OR10J1: variants seen among roughly 807,000 people sequenced by gnomAD.
The protein encoded by OR10J1 is olfactory receptor family 10 subfamily J member 1.
For synonymous variants in OR10J1, 202 were observed against 143.8 expected (o/e 1.40, Z -2.89); for missense variants, 474 against 376.6 (o/e 1.26, Z -2.14).
At chr1:159,401,385 C>G in the OR10J1 span, among the ~76,000 whole-genome samples, 1 of 151,704 alleles carries the variant, frequency 6.6e-6, no homozygotes, top group Non-Finnish European at 1.5e-5. Context: ...TAGAGAAGCT[C>G]TAAATAAATA....
the OR10J1 span, among the ~76,000 whole-genome samples, chr1:159,410,899 T>G: frequency 1.3e-5 from 2 of 150,780 alleles, no homozygotes; most frequent in Non-Finnish European, 3.0e-5. Context: ...GTATGTTGTG[T>G]CTTTGTTGTC....
the OR10J1 span, among the ~76,000 whole-genome samples, chr1:159,413,530 T>G: frequency 6.6e-6 from 1 of 152,178 alleles, no homozygotes; most frequent in African/African-American, 2.4e-5. Context: ...TGAGTTCATG[T>G]CCTTTGCAGG....
At chr1:159,411,546 G>T in the OR10J1 span, among the ~76,000 whole-genome samples, 1 of 151,846 alleles carries the variant, frequency 6.6e-6, no homozygotes, top group African/African-American at 2.4e-5. Flanking sequence ...TTTTCCATTT[G>T]CTTGGTAGAT....
the OR10J1 span, among the ~76,000 whole-genome samples, chr1:159,430,640 G>GGGGGGTGT: frequency 6.2e-3 from 871 of 140,914 alleles, 13 homozygotes; most frequent in African/African-American, 0.021. Context: ...AAAAAATTAT[G>GGGGGGTGT]GTGTGTGTGT....
At chr1:159,420,697 T>C in the OR10J1 span, among the ~76,000 whole-genome samples, 6 of 152,108 alleles carry the variant, frequency 3.9e-5, no homozygotes, top group African/African-American at 1.4e-4. Flanking sequence ...AGTAGGTTTT[T>C]TTTTTCAGCA....
the OR10J1 span, chr1:159,432,461 C>T: frequency 2.4e-6 from 1 of 412,110 alleles, no homozygotes; most frequent in Non-Finnish European, 4.3e-6. Flanking sequence ...TGTCCGGTCT[C>T]CTCAGTCCTC....
chr1:159,409,790 A>G, the OR10J1 span, among the ~76,000 whole-genome samples: 4 of 152,180 alleles, frequency 2.6e-5, no homozygotes, highest in Non-Finnish European at 4.4e-5. Flanking sequence ...TTCAAAGGGA[A>G]CGCTTCCAGT....
chr1:159,418,604 A>G, the OR10J1 span, among the ~76,000 whole-genome samples: 1 of 152,168 alleles, frequency 6.6e-6, no homozygotes, highest in African/African-American at 2.4e-5. Flanking sequence ...TGGGGCCTTC[A>G]CAGAGAACCT....
upstream of OR10J1, among the ~76,000 whole-genome samples, chr1:159,434,451 G>A (rs74122859): frequency 1.1e-3 from 169 of 152,166 alleles, no homozygotes; most frequent in African/African-American, 4.0e-3. Flanking sequence ...AAATACTTTG[G>A]TGCATCCCTT....
At chr1:159,425,525 G>C in the OR10J1 span, among the ~76,000 whole-genome samples, 307 of 152,136 alleles carry the variant, frequency 2.0e-3, no homozygotes, top group African/African-American at 7.2e-3. Context: ...AGTTCTGATG[G>C]AGAGTTTGAG....
chr1:159,401,212 G>A, the OR10J1 span, among the ~76,000 whole-genome samples: 27 of 151,126 alleles, frequency 1.8e-4, no homozygotes, highest in Admixed American at 3.3e-4. Flanking sequence ...AATAGCAAGA[G>A]CAAACCAAAC....
the OR10J1 span, among the ~76,000 whole-genome samples, chr1:159,423,659 A>T: frequency 1.3e-5 from 2 of 152,188 alleles, no homozygotes; most frequent in Non-Finnish European, 2.9e-5. Context: ...TCTACAAACC[A>T]TGCGGAGAGA....
the OR10J1 span, among the ~76,000 whole-genome samples, chr1:159,414,943 A>T: frequency 2.0e-5 from 3 of 151,314 alleles, no homozygotes; most frequent in Non-Finnish European, 3.0e-5. Context: ...TTTACTGTTG[A>T]GGTGAGTTCC....
the OR10J1 span, among the ~76,000 whole-genome samples, chr1:159,402,681 G>T: frequency 6.6e-6 from 1 of 151,732 alleles, no homozygotes; most frequent in African/African-American, 2.4e-5. Flanking sequence ...ACTATTTATA[G>T]TACCCAAAGC....
the OR10J1 span, among the ~76,000 whole-genome samples, chr1:159,402,026 C>T: frequency 1.3e-5 from 2 of 151,942 alleles, no homozygotes; most frequent in Non-Finnish European, 2.9e-5. Context: ...CTTAAAAAAG[C>T]ATTTGATAAA....
the OR10J1 span, chr1:159,406,426 C>G: frequency 2.7e-6 from 1 of 371,576 alleles, no homozygotes; most frequent in Non-Finnish European, 5.3e-6. Context: ...GAGGCTCCAA[C>G]TATGTAACAG....
the OR10J1 span, among the ~76,000 whole-genome samples, chr1:159,431,454 A>G: frequency 6.6e-6 from 1 of 152,284 alleles, no homozygotes; most frequent in Non-Finnish European, 1.5e-5. Context: ...CCTTGGCTTG[A>G]ACTCATTCAC....
the OR10J1 span, among the ~76,000 whole-genome samples, chr1:159,401,210 G>A: frequency 1.3e-5 from 2 of 150,934 alleles, no homozygotes. Flanking sequence ...AGAATAGCAA[G>A]AGCAAACCAA....
the OR10J1 span, among the ~76,000 whole-genome samples, chr1:159,408,424 A>G: frequency 7.4e-6 from 1 of 134,648 alleles, no homozygotes; most frequent in Non-Finnish European, 1.6e-5. Context: ...ATGAGAACAC[A>G]TGGACACAGG....
Sources: allele counts gnomAD v4.1 joint callset (sites outside exome capture counted in the v4.1 genomes callset), GRCh38; gene constraint gnomAD v4.1.1; transcripts MANE v1.5; gene names NCBI Gene and HGNC (gene_info 2026-07-23, HGNC 2026-07-21).